The following ZC3H18 variants were observed in gnomAD, a reference collection of about 807,000 sequenced individuals.
ZC3H18 encodes the protein zinc finger CCCH domain-containing protein 18.
Under a neutral mutation model 106.1 loss-of-function variants are expected in ZC3H18, and 8 were observed. That is an observed-to-expected ratio of 0.08 (90% CI 0.04 to 0.14). The LOEUF (loss-of-function observed/expected upper bound fraction) is 0.14. Ranked by LOEUF, ZC3H18 falls within the 10% of genes least tolerant of loss-of-function variation. ZC3H18 has a pLI of 1.00. For missense variants in ZC3H18, 1,318 were observed against 1,278.4 expected, an observed-to-expected ratio of 1.03 and a Z score of -0.47; for synonymous variants, 635 against 522.1, an observed-to-expected ratio of 1.22 and a Z score of -2.95.
chr16:88,606,892 C>T (rs1905033971), intron 6 of ZC3H18, among the ~76,000 whole-genome samples: 1 of 152,168 alleles, frequency 6.6e-6, no homozygotes, highest in Admixed American at 6.5e-5. Flanking sequence ...TCGCTGGAGC[C>T]ACCTCAAGCC....
At chr16:88,604,801 G>A (rs758649174) in intron 6 of ZC3H18, among the ~76,000 whole-genome samples, 39 of 152,212 alleles carry the variant, frequency 2.6e-4, no homozygotes, top group Admixed American at 3.9e-4. Context: ...CCTCTAGTGC[G>A]CACAGGACGT....
At chr16:88,593,877 G>C (rs527365139) in intron 3 of ZC3H18, among the ~76,000 whole-genome samples, 1 of 152,320 alleles carries the variant, frequency 6.6e-6, no homozygotes, top group Admixed American at 6.5e-5. Context: ...GGTGACCATT[G>C]CAGGATGTCA....
intron 6 of ZC3H18, 94 bp downstream of exon 6, chr16:88,600,042 G>A (rs1393206477): frequency 6.1e-6 from 9 of 1,467,602 alleles, no homozygotes; most frequent in African/African-American, 2.8e-5. Flanking sequence ...GGGTGCGCTC[G>A]GCTGAGACCC....
chr16:88,594,162 A>T (rs1399949424), intron 3 of ZC3H18, among the ~76,000 whole-genome samples: 1 of 152,112 alleles, frequency 6.6e-6, no homozygotes, highest in Non-Finnish European at 1.5e-5. Context: ...TGCAGATGGG[A>T]GGCCAGGGGT....
At chr16:88,610,560 G>A (rs1406632144) in intron 7 of ZC3H18, among the ~76,000 whole-genome samples, 2 of 152,228 alleles carry the variant, frequency 1.3e-5, no homozygotes, top group Non-Finnish European at 2.9e-5. Context: ...GGGGCAGCAG[G>A]GAGGCTCGGG....
intron 3 of ZC3H18, among the ~76,000 whole-genome samples, chr16:88,594,801 A>G (rs1030498332): frequency 6.6e-6 from 1 of 152,216 alleles, no homozygotes; most frequent in Non-Finnish European, 1.5e-5. Context: ...TGATTATGAA[A>G]TATTTCATAT....
At chr16:88,584,808 T>G (rs1915340697) in intron 2 of ZC3H18, among the ~76,000 whole-genome samples, 1 of 152,240 alleles carries the variant, frequency 6.6e-6, no homozygotes, top group Middle Eastern at 3.2e-3. Flanking sequence ...GGTTACATCT[T>G]TGCAGAAACA....
rs190975743 is a variant in ZC3H18 at position 88,604,530 on chromosome 16, C to T, written c.1089-4404C>T. Among the ~76,000 whole-genome samples the T allele has an allele frequency of 7.9e-5, 12 of 151,826 alleles. 1 individual carries two copies. The highest frequency in any genetic ancestry group is 1.9e-4 in the African/African-American group (8 of 41,422). On this transcript the variant is annotated intron_variant, in intron 6 of 17. Transcript: ENST00000301011. ...TGAAACCCCATCTCTACTAAAAATA[C>T]AAAAAATTAGCCAGGCGTGGTGGCG...
intron 9 of ZC3H18, chr16:88,622,593 C>T: frequency 1.7e-6 from 1 of 592,002 alleles, no homozygotes; most frequent in Non-Finnish European, 2.8e-6. Flanking sequence ...CGCAGTGACC[C>T]CAAATGGGGC....
intron 6 of ZC3H18, among the ~76,000 whole-genome samples, chr16:88,606,050 G>A (rs1358258131): frequency 6.6e-6 from 1 of 152,362 alleles, no homozygotes; most frequent in Non-Finnish European, 1.5e-5. Flanking sequence ...ACTGCAGAAC[G>A]AGGTGCGAGC....
intron 2 of ZC3H18, among the ~76,000 whole-genome samples, chr16:88,578,208 C>T (rs1914883057): frequency 6.6e-6 from 1 of 152,216 alleles, no homozygotes; most frequent in Admixed American, 6.5e-5. Flanking sequence ...GTCCTAGAGC[C>T]TGACCTCTGG....
At chr16:88,571,480 C>G (rs1223000429) in intron 1 of ZC3H18, 1 of 331,430 alleles carries the variant, frequency 3.0e-6, no homozygotes, top group Non-Finnish European at 4.3e-6. Flanking sequence ...TTGACCTCGG[C>G]TGAATCCCGC....
chr16:88,625,658 T>A (rs1210227857), intron 13 of ZC3H18: 1 of 207,392 alleles, frequency 4.8e-6, no homozygotes, highest in Non-Finnish European at 9.8e-6. Flanking sequence ...GGAACCGGCC[T>A]GAGGGGGTGG....
At chr16:88,593,178 G>A (rs1480541130) in intron 3 of ZC3H18, among the ~76,000 whole-genome samples, 1 of 152,190 alleles carries the variant, frequency 6.6e-6, no homozygotes, top group Non-Finnish European at 1.5e-5. Flanking sequence ...TGATGACACG[G>A]AGGCCCTGCC....
chr16:88,587,031 T>C (rs942934626), intron 3 of ZC3H18, among the ~76,000 whole-genome samples: 1 of 152,248 alleles, frequency 6.6e-6, no homozygotes, highest in African/African-American at 2.4e-5. Flanking sequence ...TAAGGCCGAA[T>C]GTTCTAGACA....
intron 1 of ZC3H18, among the ~76,000 whole-genome samples, chr16:88,573,935 C>G (rs1914569454): frequency 6.6e-6 from 1 of 151,652 alleles, no homozygotes; most frequent in African/African-American, 2.4e-5. Context: ...AGCAATGACA[C>G]AATCTTGGCT....
At chr16:88,624,364 G>A (rs1380946436) in intron 11 of ZC3H18, 9 of 685,290 alleles carry the variant, frequency 1.3e-5, no homozygotes, top group South Asian at 1.1e-4. Context: ...ACTGCCTGGC[G>A]GTGCCTGTAG....
At chr16:88,576,236 C>G (rs1320808538) in intron 1 of ZC3H18, among the ~76,000 whole-genome samples, 2 of 151,766 alleles carry the variant, frequency 1.3e-5, no homozygotes, top group South Asian at 4.2e-4. Context: ...GAGACAGGGT[C>G]TCACCATGTT....
At chr16:88,620,855 T>C (rs1047245778) in intron 8 of ZC3H18, among the ~76,000 whole-genome samples, 1 of 152,118 alleles carries the variant, frequency 6.6e-6, no homozygotes, top group Middle Eastern at 3.2e-3. Context: ...TTAATATCAT[T>C]TGTGTTTGGG....
Sources: gnomAD v4.1 joint callset for allele counts (sites outside exome capture counted in the v4.1 genomes callset) on GRCh38, gnomAD v4.1.1 for gene constraint, MANE v1.5 for transcripts, NCBI Gene and HGNC (gene_info 2026-07-23, HGNC 2026-07-21) for gene names.